The following ATAT1 variants were observed in gnomAD, a reference collection of about 807,000 sequenced individuals.
ATAT1 encodes alpha tubulin acetyltransferase 1, also known as alpha-tubulin N-acetyltransferase 1.
Under a neutral mutation model 57.2 loss-of-function variants are expected in ATAT1, and 42 were observed. The ratio of observed to expected loss-of-function variants is 0.73; its 90% CI spans 0.57 to 0.95. ATAT1 has a LOEUF of 0.95. Ranked by LOEUF, ATAT1 falls within the 40% of genes least tolerant of loss-of-function variation. ATAT1 has a pLI of 0.00. For missense variants in ATAT1, 454 were observed against 523.7 expected (o/e 0.87, Z 1.30); for synonymous variants, 168 against 187.1 (o/e 0.90, Z 0.83).
Position 30,645,969 on chromosome 6 carries a change from A to G in ATAT1, c.1007A>G (p.Asn336Ser). 1.3e-6 allele frequency: 2 copies of G among 1,580,744 alleles called. No individual in the cohort carries two copies. Among genetic ancestry groups the G allele is most frequent in the African/African-American group, 1.3e-5 (1 of 74,404 alleles). ...GGGGGGGTGAATTCCTCATCCCCCA[A>G]TACAGGTAAGTATTCACTCCTCCCT... The change falls in exon 11 of 13, where the codon AAT becomes AGT. Residue 336 changes from asparagine to serine, a missense_variant. Asn to Ser is a conservative substitution (Grantham distance 46). Transcript: ENST00000330083.
chr6:30,627,566 G>C (rs375419835), intron 2 of ATAT1, 46 bp downstream of exon 2: 2 of 1,606,406 alleles, frequency 1.2e-6, no homozygotes, highest in African/African-American at 2.7e-5. Flanking sequence ...CCTCTGTGGG[G>C]ATGGTATATA....
Position 30,641,919 on chromosome 6 carries a change from C to T in ATAT1, c.617-257C>T, listed in dbSNP as rs955671792. On this transcript the variant is annotated intron_variant, in intron 8 of 12. Transcript: ENST00000330083. ...GCCCTTCTCCTGCATCTCCCAGGCC[C>T]CCAGAGTCTCCCCTTCGATCTTTCT... 81 of 1,308,944 alleles carry T rather than the reference C, an allele frequency of 6.2e-5. No individual in the cohort carries two copies. In the Middle Eastern group the frequency reaches 1.5e-3, roughly 24 times the overall value. 81.1% of individuals were successfully genotyped at this position (1,308,944 alleles called of 1,614,324 possible). A position where few individuals can be genotyped will look rare whatever the true frequency, so the allele number is the denominator to read the frequency against.
chr6:30,632,998 T>A (rs1304327825), intron 6 of ATAT1, among the ~76,000 whole-genome samples: 1 of 151,192 alleles, frequency 6.6e-6, no homozygotes, highest in African/African-American at 2.4e-5. Flanking sequence ...GCAAGTAGAC[T>A]AATTAGGCAG....
At chr6:30,637,743 C>G (rs1764452360) in intron 6 of ATAT1, among the ~76,000 whole-genome samples, 1 of 151,192 alleles carries the variant, frequency 6.6e-6, no homozygotes, top group Non-Finnish European at 1.5e-5. Context: ...TTTGGAAGGC[C>G]AAGGCGGGCG....
At chr6:30,638,572 C>T (rs555123090) in intron 6 of ATAT1, among the ~76,000 whole-genome samples, 6 of 151,670 alleles carry the variant, frequency 4.0e-5, no homozygotes, top group South Asian at 2.1e-4. Context: ...GCCTGGCCCC[C>T]GAGTTTTTTT....
chr6:30,645,353 T>C (rs1350829800), intron 10 of ATAT1, among the ~76,000 whole-genome samples: 1 of 151,992 alleles, frequency 6.6e-6, no homozygotes, highest in Admixed American at 6.6e-5. Context: ...GTAGCTGGGA[T>C]TACAGAAGTG....
At position 30,634,917 on chromosome 6, in the gene ATAT1, G is replaced by C. The variant is rs190244877; in HGVS notation, c.502-5460G>C. Reference sequence around the variant, plus strand: ...GCAGGAGAATGGCGTGAACCCGGGAGGCAGAGCTTGCAGTGAGCCAAGATT... The same window carrying C: ...GCAGGAGAATGGCGTGAACCCGGGACGCAGAGCTTGCAGTGAGCCAAGATT... On this transcript the variant is annotated intron_variant, in intron 6 of 12. Transcript: ENST00000330083. Among the ~76,000 whole-genome samples, 645 of 152,104 alleles carry C rather than the reference G, an allele frequency of 4.2e-3. 5 individuals carry two copies. Among genetic ancestry groups the C allele is most frequent in the African/African-American group, 0.015 (629 of 41,496 alleles).
Position 30,627,220 on chromosome 6 carries a change from C to T in ATAT1, c.17C>T (p.Pro6Leu). 6.2e-7 allele frequency: 1 copy of T among 1,613,992 alleles called. No homozygotes were observed. The highest frequency in any genetic ancestry group is 8.5e-7 in the Non-Finnish European group (1 of 1,179,888). The change falls in exon 1 of 13, where the codon CCT becomes CTT. Residue 6 changes from proline (P) to leucine (L), a missense_variant. This residue lies in a region of ATAT1 where 236 missense variants were observed against 284.5 expected (regional missense o/e 0.83). Transcript: ENST00000330083. Reference sequence around the variant, plus strand: ...AATCAAAGGATGTGGTTGACCTGGCCTTTCTGCTTCCTCACAATAACCTTA... The same window carrying T: ...AATCAAAGGATGTGGTTGACCTGGCTTTTCTGCTTCCTCACAATAACCTTA...
chr6:30,643,792 C>T, intron 10 of ATAT1: 11 of 1,350,016 alleles, frequency 8.1e-6, no homozygotes, highest in Non-Finnish European at 1.0e-5. Context: ...AACTTGGGCT[C>T]TGAATACTTT....
At chr6:30,643,442 C>T in intron 10 of ATAT1, 1 of 1,538,636 alleles carries the variant, frequency 6.5e-7, no homozygotes, top group East Asian at 2.5e-5. Flanking sequence ...CTCCCTTTCT[C>T]TTCACCTCTG....
intron 6 of ATAT1, among the ~76,000 whole-genome samples, chr6:30,629,312 C>T (rs1762351941): frequency 6.6e-6 from 1 of 150,998 alleles, no homozygotes; most frequent in South Asian, 2.1e-4. Context: ...GGCACGATCA[C>T]AGCTCACTGC....
In ATAT1 at chr6:30,642,767, G is replaced by T; in HGVS notation, c.689-1G>T. ...TTGCTCTTCATTCTCCCTGTCCCCA[G>T]TTCTGAAGGTAGCTGTGGAGCCTCC... On this transcript the variant is annotated splice_acceptor_variant, in intron 9 of 12. Coordinates refer to ENST00000330083, the MANE Select transcript of ATAT1 (RefSeq NM_001031722.4). LOFTEE classifies it high-confidence loss of function. The T allele has an allele frequency of 6.2e-7, 1 of 1,603,122 alleles. No homozygotes were observed.
At chr6:30,635,935 G>C (rs1026925071) in intron 6 of ATAT1, among the ~76,000 whole-genome samples, 1 of 152,238 alleles carries the variant, frequency 6.6e-6, no homozygotes, top group African/African-American at 2.4e-5. Context: ...ATCTTTTGCA[G>C]ATGGGAGAAC....
intron 10 of ATAT1, chr6:30,643,624 T>C (rs1766025947): frequency 1.9e-6 from 3 of 1,550,000 alleles, no homozygotes; most frequent in Middle Eastern, 1.7e-4. Flanking sequence ...CCTGAGAACC[T>C]CAGACCCACT....
chr6:30,642,833 G>GGGGGGGGGGGCCCCCCCCCCCCCCC lies in ATAT1; in HGVS notation c.754_755insGGGGGGGGGGCCCCCCCCCCCCCCC (p.Ala252GlyfsTer56). On this transcript the variant is annotated frameshift_variant, in exon 10 of 13. Transcript: ENST00000330083. LOFTEE classifies it high-confidence loss of function. ...GGCCCCTCGCCGCGCCACACCTCCAGCCCACCCACCCCCCCGCTCCAGCAG... is the reference window on the plus strand; with the variant it reads ...GGCCCCTCGCCGCGCCACACCTCCAGGGGGGGGGGGCCCCCCCCCCCCCCCCCCACCCACCCCCCCGCTCCAGCAG... The GGGGGGGGGGGCCCCCCCCCCCCCCC allele has an allele frequency of 1.3e-6, 2 of 1,537,866 alleles. No individual in the cohort carries two copies. The highest frequency in any genetic ancestry group is 1.7e-6 in the Non-Finnish European group (2 of 1,145,774).
rs1475367523 is a variant in ATAT1, at chr6:30,627,278, T to C, written c.71+4T>C. ...AGGGAGTGTGCCACCTTGAAAGGTG[T>C]GACAGAAGTTTGGGTTTCAGAAGGG... On this transcript the variant is annotated splice_donor_region_variant and intron_variant, in intron 1 of 12. Coordinates refer to ENST00000330083, the MANE Select transcript of ATAT1 (RefSeq NM_001031722.4). 1 of 1,613,762 alleles carries C rather than the reference T, an allele frequency of 6.2e-7. No homozygotes were observed. The highest frequency in any genetic ancestry group is 8.5e-7 in the Non-Finnish European group (1 of 1,179,838).
chr6:30,646,017 A>C, intron 11 of ATAT1, 43 bp downstream of exon 11: 2 of 1,606,470 alleles, frequency 1.2e-6, no homozygotes, highest in Non-Finnish European at 1.7e-6. Context: ...AGTAGGCCAC[A>C]TTCACTGTCT....
chr6:30,631,526 C>T (rs907286659), intron 6 of ATAT1, among the ~76,000 whole-genome samples: 1 of 151,798 alleles, frequency 6.6e-6, no homozygotes, highest in East Asian at 1.9e-4. Flanking sequence ...CATCTGCAAT[C>T]CTAGTACTTA....
intron 6 of ATAT1, among the ~76,000 whole-genome samples, chr6:30,632,634 T>A (rs1763156891): frequency 6.6e-6 from 1 of 151,696 alleles, no homozygotes; most frequent in African/African-American, 2.4e-5. Context: ...CAAGATCACT[T>A]TGGCTGTTAA....
Sources: allele counts gnomAD v4.1 joint callset (sites outside exome capture counted in the v4.1 genomes callset), GRCh38; gene constraint gnomAD v4.1.1; regional missense constraint gnomAD v4.1.1; transcripts MANE v1.5; gene names NCBI Gene and HGNC (gene_info 2026-07-23, HGNC 2026-07-21).